Variants in SGK1 observed in about 807,000 individuals in gnomAD.
SGK1 encodes the protein serine/threonine-protein kinase Sgk1.
Under a neutral mutation model 64.2 loss-of-function variants are expected in SGK1, and 26 were observed. The ratio of observed to expected loss-of-function variants is 0.40; its 90% CI spans 0.30 to 0.56. SGK1 has a LOEUF of 0.56. SGK1 is among the 20% of genes least tolerant of loss of function. SGK1 has a pLI of 0.38. For missense variants in SGK1, 519 were observed against 645.6 expected (o/e 0.80, Z 2.12); for synonymous variants, 265 against 239.7 (o/e 1.11, Z -0.98).
At position 134,298,644 on chromosome 6, in the gene SGK1, C is replaced by T. The variant is rs538646744; in HGVS notation, c.69+18748G>A. 7.0e-5 allele frequency: 94 copies of T among 1,333,962 alleles called. No homozygotes were observed. The East Asian group carries it at 1.7e-3, about 25-fold the overall frequency. 82.6% of individuals were successfully genotyped at this position (1,333,962 alleles called of 1,614,324 possible). Reference sequence around the variant, plus strand: ...CGTGTAGGAGCGGCTGCTGAAGGCCCGGGGGCCAGAGATGGACAACTTGTA... The same window carrying T: ...CGTGTAGGAGCGGCTGCTGAAGGCCTGGGGGCCAGAGATGGACAACTTGTA... On this transcript the variant is annotated intron_variant, in intron 1 of 13. Transcript: ENST00000367858.
chr6:134,267,391 A>C (rs1776870557), intron 1 of SGK1, among the ~76,000 whole-genome samples: 1 of 151,976 alleles, frequency 6.6e-6, no homozygotes, highest in African/African-American at 2.4e-5. Context: ...AAGAGCTCCT[A>C]GGCTCAAGCT....
Position 134,268,703 on chromosome 6 carries a change from A to G in SGK1, c.70-6555T>C, listed in dbSNP as rs1383627232. 3.7e-5 allele frequency among the ~76,000 whole-genome samples: 5 copies of G among 134,076 alleles called. 1 individual carries two copies. In the East Asian group the frequency reaches 1.5e-3, roughly 41 times the overall value. The allele number at this position is 134,076 out of a possible 152,430, so 88.0% of individuals were successfully genotyped here. A position where few individuals can be genotyped will look rare whatever the true frequency, so the allele number is the denominator to read the frequency against. ...GCGCCACTGCACTCCAGCCTGGGCG[A>G]CAGAGCGAGACTCTGTCTCAAAAAA... On this transcript the variant is annotated intron_variant, in intron 1 of 13. Coordinates refer to ENST00000367858, the MANE Select transcript of SGK1 (RefSeq NM_001143676.3).
chr6:134,254,187 A>G (rs927502230), intron 2 of SGK1, among the ~76,000 whole-genome samples: 3 of 152,022 alleles, frequency 2.0e-5, no homozygotes, highest in Admixed American at 6.6e-5. Context: ...CAAAAAGAAA[A>G]AAGAGCACAC....
chr6:134,276,849 C>G (rs1227850495), intron 1 of SGK1, among the ~76,000 whole-genome samples: 2 of 151,984 alleles, frequency 1.3e-5, no homozygotes, highest in Non-Finnish European at 1.5e-5. Flanking sequence ...CTCAGGTGTT[C>G]TAGACTAGCC....
chr6:134,261,123 A>C (rs1776760862), intron 2 of SGK1: 1 of 152,244 alleles, frequency 6.6e-6, no homozygotes, highest in Non-Finnish European at 1.5e-5. Flanking sequence ...ATTTTTAAAA[A>C]ACAACTCTTG....
Position 134,252,598 on chromosome 6 carries a change from C to T in SGK1, c.285+9335G>A, listed in dbSNP as rs1192789896. Among the ~76,000 whole-genome samples, 5 of 88,366 alleles carry T rather than the reference C, an allele frequency of 5.7e-5. No individual in the cohort carries two copies. In the South Asian group the frequency reaches 1.9e-3, roughly 34 times the overall value. 58.0% of individuals were successfully genotyped at this position (88,366 alleles called of 152,430 possible). ...CGCCACTGCTCTCCAGCCTGGGCAA[C>T]AGAGTGAGATTCCACCTCAAAAAAA... On this transcript the variant is annotated intron_variant, in intron 2 of 13. Coordinates refer to ENST00000367858, the MANE Select transcript of SGK1 (RefSeq NM_001143676.3).
chr6:134,222,334 T>C (rs536793482), intron 2 of SGK1, among the ~76,000 whole-genome samples: 1 of 151,036 alleles, frequency 6.6e-6, no homozygotes, highest in African/African-American at 2.5e-5. Flanking sequence ...TTAGAAAAAA[T>C]TGCTTTTTTT....
At chr6:134,282,960 G>T (rs1225989871) in intron 1 of SGK1, 1 of 151,818 alleles carries the variant, frequency 6.6e-6, no homozygotes, top group Admixed American at 6.6e-5. Flanking sequence ...GAAAGGCCAG[G>T]ACAACAGTTT....
intron 2 of SGK1, among the ~76,000 whole-genome samples, chr6:134,236,878 G>C (rs1776372050): frequency 1.3e-5 from 2 of 151,980 alleles, no homozygotes; most frequent in Admixed American, 1.3e-4. Flanking sequence ...AGTGTTAATG[G>C]GATTCAGATA....
intron 13 of SGK1, 133 bp from the exon 14 acceptor site, chr6:134,170,568 A>G: frequency 1.2e-6 from 1 of 839,132 alleles, no homozygotes; most frequent in Non-Finnish European, 1.9e-6. Context: ...CAAGCACAAA[A>G]TCTCAAAAGG....
At position 134,172,785 on chromosome 6, in the gene SGK1, C is replaced by G. The variant is rs1775074007; in HGVS notation, c.835-11G>C. 1 of 1,574,370 alleles carries G rather than the reference C, an allele frequency of 6.4e-7. No homozygotes were observed. Among genetic ancestry groups the G allele is most frequent in the Non-Finnish European group, 8.7e-7 (1 of 1,144,082 alleles). On this transcript the variant is annotated splice_polypyrimidine_tract_variant and intron_variant, in intron 8 of 13. Coordinates refer to ENST00000367858, the MANE Select transcript of SGK1 (RefSeq NM_001143676.3). Reference sequence around the variant, plus strand: ...GAGATGGTAGAACAACTGCAGGAGACAGAACAAAGTCATTCTGGGTTGCAA... The same window carrying G: ...GAGATGGTAGAACAACTGCAGGAGAGAGAACAAAGTCATTCTGGGTTGCAA...
chr6:134,187,036 G>T (rs772610410), intron 3 of SGK1, among the ~76,000 whole-genome samples: 1 of 151,996 alleles, frequency 6.6e-6, no homozygotes, highest in African/African-American at 2.4e-5. Context: ...AGCTGGTCTC[G>T]AACTCCTAAC....
chr6:134,192,969 T>C (rs1422722744), intron 3 of SGK1, among the ~76,000 whole-genome samples: 4 of 152,246 alleles, frequency 2.6e-5, no homozygotes, highest in African/African-American at 9.6e-5. Context: ...CCTATTTTCC[T>C]TACTATGTAC....
chr6:134,232,413 GAGAAAGAAAGAAAGAA>G lies in SGK1; in HGVS notation c.286-24998_286-24983del, dbSNP rs775588688. The stretch of plus-strand genomic sequence containing the variant: ...AAAAGAAAGAAGAAAAAGAAAGAAA[GAGAAAGAAAGAAAGAA>G]AGAAAGAAAGAAAGAAAGAAAGAAA... On this transcript the variant is annotated intron_variant, in intron 2 of 13. Coordinates refer to ENST00000367858, the MANE Select transcript of SGK1 (RefSeq NM_001143676.3). 4.6e-3 allele frequency among the ~76,000 whole-genome samples: 222 copies of G among 47,758 alleles called. 6 individuals are homozygous for G. Among genetic ancestry groups the G allele is most frequent in the African/African-American group, 0.011 (135 of 12,630 alleles). The allele number at this position is 47,758 out of a possible 152,430, so 31.3% of individuals were successfully genotyped here. A position where few individuals can be genotyped will look rare whatever the true frequency, so the allele number is the denominator to read the frequency against.
At chr6:134,176,887 C>T (rs1441063477) in intron 3 of SGK1, among the ~76,000 whole-genome samples, 1 of 152,186 alleles carries the variant, frequency 6.6e-6, no homozygotes, top group Non-Finnish European at 1.5e-5. Context: ...TGGAGTCTGG[C>T]TGGGAAAGTT....
Position 134,173,131 on chromosome 6 carries a change from C to T in SGK1, c.726G>A (p.Arg242=). The T allele has an allele frequency of 6.2e-7, 1 of 1,613,968 alleles. No individual in the cohort carries two copies. Among genetic ancestry groups the T allele is most frequent in the Non-Finnish European group, 8.5e-7 (1 of 1,179,894 alleles). ...GCTTCACATTCTTCAACAGAACATT[C>T]CGCTCCGACATAATATGCTTCTCCT... ...KKEEKHIMSE[R]NVLLKNVKHP... Residue 242 remains arginine (R), a synonymous_variant, in exon 8 of 14, where the codon CGG becomes CGA. Coordinates refer to ENST00000367858, the MANE Select transcript of SGK1 (RefSeq NM_001143676.3).
intron 1 of SGK1, among the ~76,000 whole-genome samples, chr6:134,301,073 G>GA (rs1777446650): frequency 6.6e-6 from 1 of 152,162 alleles, no homozygotes; most frequent in Non-Finnish European, 1.5e-5. Context: ...CTGAAATAGA[G>GA]AAAAATAGGA....
chr6:134,252,616 C>CAAAA (rs11418007), intron 2 of SGK1, among the ~76,000 whole-genome samples: 1,912 of 65,484 alleles, frequency 0.029, 246 homozygotes, highest in East Asian at 0.085. Context: ...GATTCCACCT[C>CAAAA]AAAAAAAAAA....
At chr6:134,248,184 AG>A (rs891729989) in intron 2 of SGK1, among the ~76,000 whole-genome samples, 5 of 152,266 alleles carry the variant, frequency 3.3e-5, no homozygotes, top group East Asian at 3.9e-4. Flanking sequence ...ATGTGCCAAA[AG>A]GCAAAGGGCC....
Sources: allele counts gnomAD v4.1 joint callset (sites outside exome capture counted in the v4.1 genomes callset), GRCh38; gene constraint gnomAD v4.1.1; transcripts MANE v1.5; gene names NCBI Gene and HGNC (gene_info 2026-07-23, HGNC 2026-07-21).